SPOPL: variants seen among roughly 807,000 people sequenced by gnomAD.
SPOPL encodes speckle-type POZ protein-like.
In SPOPL, 23 loss-of-function variants were observed where a neutral mutation model predicts 53.8. That is an observed-to-expected ratio of 0.43 (90% CI 0.31 to 0.61). SPOPL has a LOEUF of 0.61. Among genes scored for constraint, SPOPL ranks in the 20% least tolerant of loss-of-function variants. The pLI is 0.12. For missense variants in SPOPL, 442 were observed against 466.9 expected (o/e 0.95, Z 0.49); for synonymous variants, 164 against 149.7 (o/e 1.10, Z -0.70).
intron 1 of SPOPL, among the ~76,000 whole-genome samples, chr2:138,504,128 G>A (rs1684164214): frequency 6.6e-6 from 1 of 152,166 alleles, no homozygotes; most frequent in Non-Finnish European, 1.5e-5. Flanking sequence ...ATCACTATTT[G>A]CTGTCCTAAT....
chr2:138,507,382 G>A (rs1022766518), intron 1 of SPOPL, among the ~76,000 whole-genome samples: 2 of 152,138 alleles, frequency 1.3e-5, no homozygotes, highest in Non-Finnish European at 2.9e-5. Flanking sequence ...CTAGGTATGG[G>A]ATTAGAATTC....
intron 1 of SPOPL, among the ~76,000 whole-genome samples, chr2:138,525,391 C>CA (rs1446057018): frequency 6.6e-6 from 1 of 152,138 alleles, no homozygotes; most frequent in Non-Finnish European, 1.5e-5. Context: ...AACACAGAGC[C>CA]AAACTGTATC....
chr2:138,522,204 C>A (rs1684573939), intron 1 of SPOPL, among the ~76,000 whole-genome samples: 1 of 152,156 alleles, frequency 6.6e-6, no homozygotes. Flanking sequence ...CCATTGTAAT[C>A]ACTTGAGGGG....
intron 5 of SPOPL, chr2:138,554,528 G>A (rs763082432): frequency 3.1e-6 from 4 of 1,284,078 alleles, no homozygotes; most frequent in South Asian, 1.3e-5. Flanking sequence ...AAGTGGTGCT[G>A]TAGACAGGTA....
intron 1 of SPOPL, among the ~76,000 whole-genome samples, chr2:138,515,748 T>C (rs775298458): frequency 6.6e-5 from 10 of 152,194 alleles, no homozygotes; most frequent in Non-Finnish European, 1.2e-4. Context: ...TTTTAAGATA[T>C]GCACATCGAC....
intron 5 of SPOPL, among the ~76,000 whole-genome samples, chr2:138,554,754 A>G (rs1227513646): frequency 2.6e-5 from 4 of 152,216 alleles, no homozygotes; most frequent in African/African-American, 9.7e-5. Context: ...GATTTTAAAT[A>G]CTCAGTCTAC....
chr2:138,550,812 G>GTTCTCTCTCTCTCT (rs1193782426), intron 3 of SPOPL, 91 bp from the exon 4 acceptor site: 1 of 1,309,456 alleles, frequency 7.6e-7, no homozygotes, highest in African/African-American at 1.5e-5. Flanking sequence ...TGATTTCAGT[G>GTTCTCTCTCTCTCT]TTCTCTCTCT....
rs1021176275 is a variant in SPOPL, at chr2:138,517,580, A to C, written c.-61+15461A>C. 2.0e-5 allele frequency among the ~76,000 whole-genome samples: 3 copies of C among 152,050 alleles called. 1 individual carries two copies. The South Asian group carries it at 6.2e-4, about 32-fold the overall frequency. On this transcript the variant is annotated intron_variant, in intron 1 of 10. Transcript: ENST00000280098. Reference sequence around the variant, plus strand: ...ATGGTGAAACCCCGTCTGTACTACAAATACAAAAGATTAGCCAGGCGTGGT... The same window carrying C: ...ATGGTGAAACCCCGTCTGTACTACACATACAAAAGATTAGCCAGGCGTGGT...
chr2:138,512,279 C>G (rs1326862721), intron 1 of SPOPL, among the ~76,000 whole-genome samples: 1 of 151,996 alleles, frequency 6.6e-6, no homozygotes, highest in East Asian at 1.9e-4. Flanking sequence ...AAAAATAATA[C>G]TGTATAAAGT....
At chr2:138,525,615 C>T (rs1573877811) in intron 1 of SPOPL, among the ~76,000 whole-genome samples, 2 of 140,592 alleles carry the variant, frequency 1.4e-5, no homozygotes, top group African/African-American at 5.3e-5. Flanking sequence ...ACTTTGAAAC[C>T]AGCCTGGGTA....
chr2:138,540,791 T>A (rs1395667765), intron 1 of SPOPL, among the ~76,000 whole-genome samples: 1 of 151,924 alleles, frequency 6.6e-6, no homozygotes, highest in East Asian at 1.9e-4. Context: ...TGAATAGGAG[T>A]GGTGAGGGAG....
intron 1 of SPOPL, among the ~76,000 whole-genome samples, chr2:138,549,483 C>A (rs1685267742): frequency 6.6e-6 from 1 of 152,028 alleles, no homozygotes; most frequent in Non-Finnish European, 1.5e-5. Flanking sequence ...CACTAATATC[C>A]TGGTTAGGTT....
At chr2:138,518,637 C>G (rs1684495798) in intron 1 of SPOPL, among the ~76,000 whole-genome samples, 1 of 152,172 alleles carries the variant, frequency 6.6e-6, no homozygotes. Context: ...AAAGTTCCCT[C>G]AAAGGTTATA....
In SPOPL at chr2:138,542,416, C is replaced by G. The variant is rs1436913406; in HGVS notation, c.-60-7741C>G. Among the ~76,000 whole-genome samples, 6 of 152,270 alleles carry G rather than the reference C, an allele frequency of 3.9e-5. 2 individuals carry two copies. Among genetic ancestry groups the G allele is most frequent in the African/African-American group, 1.4e-4 (6 of 41,542 alleles). On this transcript the variant is annotated intron_variant, in intron 1 of 10. Transcript: ENST00000280098. The stretch of plus-strand genomic sequence containing the variant: ...AGGACTTGCTTTATGAATCTGGGTG[C>G]TCCTGTATTGGGTGCATATATATTT...
At chr2:138,543,468 A>T (rs983216748) in intron 1 of SPOPL, among the ~76,000 whole-genome samples, 2 of 151,794 alleles carry the variant, frequency 1.3e-5, no homozygotes, top group African/African-American at 4.8e-5. Context: ...TTCTCTTCTC[A>T]CTTCACTTCA....
chr2:138,538,900 C>G (rs1443923462), intron 1 of SPOPL, among the ~76,000 whole-genome samples: 1 of 152,134 alleles, frequency 6.6e-6, no homozygotes, highest in Non-Finnish European at 1.5e-5. Flanking sequence ...CCTCCCCACT[C>G]TCCCCACCCC....
intron 1 of SPOPL, among the ~76,000 whole-genome samples, chr2:138,525,811 CTGAG>C (rs1684662862): frequency 6.7e-6 from 1 of 148,856 alleles, no homozygotes; most frequent in South Asian, 2.1e-4. Context: ...GCACTCCAGT[CTGAG>C]TTAGAATGAG....
chr2:138,534,278 GA>G (rs1230952641), intron 1 of SPOPL, among the ~76,000 whole-genome samples: 3 of 151,428 alleles, frequency 2.0e-5, no homozygotes, highest in Admixed American at 1.3e-4. Flanking sequence ...AAATATATGG[GA>G]AAAAAAATTA....
At chr2:138,533,095 G>C (rs929470198) in intron 1 of SPOPL, among the ~76,000 whole-genome samples, 1 of 152,088 alleles carries the variant, frequency 6.6e-6, no homozygotes, top group Non-Finnish European at 1.5e-5. Flanking sequence ...TTTGTGCTAA[G>C]GGTGTGTATA....
Sources: gnomAD v4.1 joint callset for allele counts (sites outside exome capture counted in the v4.1 genomes callset) on GRCh38, gnomAD v4.1.1 for gene constraint, MANE v1.5 for transcripts, NCBI Gene and HGNC (gene_info 2026-07-23, HGNC 2026-07-21) for gene names.